TIAM1: variants seen among roughly 807,000 people sequenced by gnomAD.
The protein encoded by TIAM1 is TIAM Rac1 associated GEF 1.
Under a neutral mutation model 163.5 loss-of-function variants are expected in TIAM1, and 65 were observed. That is an observed-to-expected ratio of 0.40 (90% confidence interval 0.33 to 0.49). TIAM1 has a LOEUF of 0.49. TIAM1 is among the 20% of genes least tolerant of loss of function. The pLI, the probability that TIAM1 is intolerant of heterozygous loss-of-function variation, is 0.77. For synonymous variants in TIAM1, 833 were observed against 810.1 expected (o/e 1.03, Z -0.48); for missense variants, 1,789 against 2,044.7 (o/e 0.87, Z 2.41).
chr21:31,541,652 C>T (rs771065001), intron 1 of TIAM1, among the ~76,000 whole-genome samples: 1 of 151,930 alleles, frequency 6.6e-6, no homozygotes, highest in Non-Finnish European at 1.5e-5. Flanking sequence ...TGTAACACTA[C>T]CTGAAAAGAA....
At chr21:31,277,303 G>A (rs1169376211) in intron 2 of TIAM1, among the ~76,000 whole-genome samples, 2 of 152,182 alleles carry the variant, frequency 1.3e-5, no homozygotes, top group East Asian at 3.9e-4. Context: ...CACCATGATA[G>A]TTTACAATGC....
At chr21:31,415,928 G>C (rs1385792873) in intron 2 of TIAM1, among the ~76,000 whole-genome samples, 1 of 152,110 alleles carries the variant, frequency 6.6e-6, no homozygotes, top group East Asian at 1.9e-4. Flanking sequence ...GCTCCTAACA[G>C]ACATCCTGCC....
chr21:31,188,453 A>T (rs74919893), intron 13 of TIAM1, among the ~76,000 whole-genome samples: 1 of 152,218 alleles, frequency 6.6e-6, no homozygotes, highest in East Asian at 1.9e-4. Context: ...TTAAAAAAAA[A>T]TCTATTAGGC....
Position 31,130,269 on chromosome 21 carries a change from C to T in TIAM1, c.3989G>A (p.Arg1330Lys), listed in dbSNP as rs756859940. 6.2e-7 allele frequency: 1 copy of T among 1,614,120 alleles called. No homozygotes were observed. Among genetic ancestry groups the T allele is most frequent in the Non-Finnish European group, 8.5e-7 (1 of 1,180,016 alleles). The stretch of plus-strand genomic sequence containing the variant: ...TTCCGTGGGGATCATGTGTCGAAAT[C>T]TGAAGGGGTCCCAGTCCTCATAAAT... ...LSIYEDWDPFRFRHMIPTEAL... is the reference protein window; with the variant it reads ...LSIYEDWDPFKFRHMIPTEAL... Residue 1330 changes from arginine to lysine, a missense_variant, in exon 25 of 28, where the codon AGA becomes AAA. Arg to Lys is a conservative substitution (Grantham distance 26). Coordinates refer to ENST00000541036, the MANE Select transcript of TIAM1 (RefSeq NM_001353694.2).
chr21:31,541,487 G>A (rs772039295), intron 1 of TIAM1, among the ~76,000 whole-genome samples: 2 of 151,614 alleles, frequency 1.3e-5, no homozygotes, highest in Non-Finnish European at 2.9e-5. Context: ...AAAAGAAAAA[G>A]GTCAAAAAAG....
intron 14 of TIAM1, among the ~76,000 whole-genome samples, chr21:31,184,938 C>G (rs1162169369): frequency 6.6e-6 from 1 of 152,288 alleles, no homozygotes; most frequent in East Asian, 1.9e-4. Flanking sequence ...GTTTACAGGA[C>G]AGGTCAATAT....
intron 23 of TIAM1, among the ~76,000 whole-genome samples, chr21:31,133,306 A>G (rs1316222178): frequency 6.6e-6 from 1 of 152,218 alleles, no homozygotes; most frequent in Non-Finnish European, 1.5e-5. Flanking sequence ...AGGATTCTGA[A>G]TAATGATAAA....
At chr21:31,441,490 T>C (rs751612047) in intron 2 of TIAM1, among the ~76,000 whole-genome samples, 1 of 152,144 alleles carries the variant, frequency 6.6e-6, no homozygotes, top group South Asian at 2.1e-4. Context: ...CCCAGGAATA[T>C]GGCAATGTTG....
At chr21:31,269,247 C>T (rs1400398989) in intron 3 of TIAM1, among the ~76,000 whole-genome samples, 1 of 152,226 alleles carries the variant, frequency 6.6e-6, no homozygotes, top group Non-Finnish European at 1.5e-5. Flanking sequence ...ATGCATCACG[C>T]TGATGGGTCT....
intron 2 of TIAM1, among the ~76,000 whole-genome samples, chr21:31,394,663 C>T (rs967819184): frequency 6.6e-6 from 1 of 150,426 alleles, no homozygotes; most frequent in Admixed American, 6.7e-5. Context: ...ACCTAAAACT[C>T]CTCTAAAAAT....
intron 2 of TIAM1, among the ~76,000 whole-genome samples, chr21:31,374,420 G>T (rs112950499): frequency 6.6e-6 from 1 of 152,082 alleles, no homozygotes; most frequent in Non-Finnish European, 1.5e-5. Flanking sequence ...TACATATACG[G>T]AATATTCTGC....
rs2086283108 is a variant in TIAM1 at position 31,203,076 on chromosome 21, C to A, written c.2389-64G>T. The A allele has an allele frequency of 1.2e-5, 16 of 1,280,734 alleles. 1 individual carries two copies. The highest frequency in any genetic ancestry group is 1.8e-4 in the Middle Eastern group (1 of 5,464). 79.3% of individuals were successfully genotyped at this position (1,280,734 alleles called of 1,614,324 possible). A position where few individuals can be genotyped will look rare whatever the true frequency, so the allele number is the denominator to read the frequency against. ...CAATAGTAAATAGGCACAATTAGTTCTCCACCAACATACGATGTATTCCTA... is the reference window on the plus strand; with the variant it reads ...CAATAGTAAATAGGCACAATTAGTTATCCACCAACATACGATGTATTCCTA... On this transcript the variant is annotated intron_variant, in intron 11 of 27. Transcript: ENST00000541036.
chr21:31,195,774 A>G (rs2085818874), intron 12 of TIAM1, among the ~76,000 whole-genome samples: 1 of 152,228 alleles, frequency 6.6e-6, no homozygotes, highest in Admixed American at 6.5e-5. Flanking sequence ...TACGTAAAGG[A>G]GGATATTCTT....
intron 2 of TIAM1, among the ~76,000 whole-genome samples, chr21:31,365,383 C>CTTTTTTTTTTT (rs201546931): frequency 1.4e-5 from 2 of 138,436 alleles, no homozygotes; most frequent in African/African-American, 5.4e-5. Flanking sequence ...TCACTTATTT[C>CTTTTTTTTTTT]TTTCTTTTTT....
At chr21:31,424,826 G>A (rs942526677) in intron 2 of TIAM1, among the ~76,000 whole-genome samples, 23 of 152,142 alleles carry the variant, frequency 1.5e-4, no homozygotes, top group Admixed American at 5.2e-4. Context: ...CAAGGCAGGC[G>A]GATCACTTGA....
chr21:31,360,655 T>C (rs776528918), intron 2 of TIAM1, among the ~76,000 whole-genome samples: 1 of 152,168 alleles, frequency 6.6e-6, no homozygotes, highest in South Asian at 2.1e-4. Context: ...GACAAGGAGA[T>C]ATTATGCAGA....
intron 2 of TIAM1, among the ~76,000 whole-genome samples, chr21:31,355,155 A>T (rs2076294263): frequency 6.7e-6 from 1 of 148,610 alleles, no homozygotes; most frequent in Admixed American, 6.8e-5. Flanking sequence ...CACCCACCAG[A>T]CACTGTTCCC....
At chr21:31,275,029 C>G (rs935975515) in intron 3 of TIAM1, among the ~76,000 whole-genome samples, 1 of 150,680 alleles carries the variant, frequency 6.6e-6, no homozygotes, top group Non-Finnish European at 1.5e-5. Context: ...GGCTGAGGCA[C>G]GAGAATCTCT....
At chr21:31,511,056 G>A (rs2047195829) in intron 1 of TIAM1, among the ~76,000 whole-genome samples, 1 of 152,200 alleles carries the variant, frequency 6.6e-6, no homozygotes, top group Non-Finnish European at 1.5e-5. Flanking sequence ...ATAGGTTGCT[G>A]GGAAGCACCA....
Sources: allele counts gnomAD v4.1 joint callset (sites outside exome capture counted in the v4.1 genomes callset), GRCh38; gene constraint gnomAD v4.1.1; transcripts MANE v1.5; gene names NCBI Gene and HGNC (gene_info 2026-07-23, HGNC 2026-07-21).